ANKS1B: variants seen among roughly 807,000 people sequenced by gnomAD.
ANKS1B encodes the protein ankyrin repeat and sterile alpha motif domain-containing protein 1B.
A neutral mutation model predicts 148.3 loss-of-function variants in ANKS1B; 36 were observed. The observed-to-expected ratio is 0.24, with a 90% CI of 0.19 to 0.32. The LOEUF (loss-of-function observed/expected upper bound fraction) is 0.32. ANKS1B is among the 10% of genes least tolerant of loss of function. ANKS1B has a pLI of 1.00. For synonymous variants in ANKS1B, 542 were observed against 560.8 expected (o/e 0.97, Z 0.47); for missense variants, 1,157 against 1,542.6 (o/e 0.75, Z 4.19).
intron 9 of ANKS1B, among the ~76,000 whole-genome samples, chr12:99,627,888 T>C (rs1344994206): frequency 6.6e-6 from 1 of 152,102 alleles, no homozygotes; most frequent in Admixed American, 6.6e-5. Flanking sequence ...TTTATAAAAT[T>C]AATAGTTTTG....
At chr12:99,652,470 C>G (rs988058514) in intron 9 of ANKS1B, among the ~76,000 whole-genome samples, 5 of 150,284 alleles carry the variant, frequency 3.3e-5, no homozygotes, top group African/African-American at 1.2e-4. Flanking sequence ...GAGACTCCAT[C>G]TGAAAAAAAA....
chr12:98,863,718 C>G (rs1328740854), intron 17 of ANKS1B, among the ~76,000 whole-genome samples: 2 of 152,034 alleles, frequency 1.3e-5, no homozygotes, highest in African/African-American at 4.8e-5. Context: ...TAATGACCAG[C>G]TGGAACAGAA....
At chr12:99,133,332 C>G (rs57468892) in intron 15 of ANKS1B, among the ~76,000 whole-genome samples, 1 of 152,036 alleles carries the variant, frequency 6.6e-6, no homozygotes, top group Non-Finnish European at 1.5e-5. Context: ...GGATTACAGG[C>G]GTGAGCCACC....
At chr12:99,263,950 T>C (rs1281515270) in intron 12 of ANKS1B, among the ~76,000 whole-genome samples, 1 of 152,144 alleles carries the variant, frequency 6.6e-6, no homozygotes, top group Non-Finnish European at 1.5e-5. Flanking sequence ...TGACTTACTA[T>C]GGTCTTGCAC....
At chr12:98,896,397 A>C (rs1333757895) in intron 17 of ANKS1B, among the ~76,000 whole-genome samples, 1 of 152,256 alleles carries the variant, frequency 6.6e-6, no homozygotes, top group Non-Finnish European at 1.5e-5. Context: ...TTTAATTCTT[A>C]CAACTCTATG....
chr12:99,978,977 C>A (rs988902873), intron 1 of ANKS1B, among the ~76,000 whole-genome samples: 2 of 152,230 alleles, frequency 1.3e-5, no homozygotes, highest in Non-Finnish European at 1.5e-5. Context: ...ACAAATAATT[C>A]TCTATCCTAT....
At chr12:99,422,354 C>T (rs1399755184) in intron 11 of ANKS1B, among the ~76,000 whole-genome samples, 2 of 152,118 alleles carry the variant, frequency 1.3e-5, no homozygotes, top group Non-Finnish European at 2.9e-5. Flanking sequence ...CCTCAAGCAC[C>T]TCATATTTTA....
intron 1 of ANKS1B, among the ~76,000 whole-genome samples, chr12:99,894,259 AAAGAAAGGAAAGAAAGG>A (rs2093271043): frequency 7.9e-6 from 1 of 127,134 alleles, no homozygotes; most frequent in African/African-American, 3.0e-5. Flanking sequence ...ATCTCGAAAG[AAAGAAAGGAAAGAAAGG>A]AAGGAAGGAA....
At chr12:99,697,782 C>A (rs2054160454) in intron 8 of ANKS1B, among the ~76,000 whole-genome samples, 1 of 152,038 alleles carries the variant, frequency 6.6e-6, no homozygotes. Flanking sequence ...ACAATTTTAA[C>A]AAATATACCA....
intron 17 of ANKS1B, among the ~76,000 whole-genome samples, chr12:98,975,308 CCTT>C (rs1190005520): frequency 2.0e-5 from 3 of 147,952 alleles, no homozygotes; most frequent in South Asian, 2.2e-4. Context: ...CTCCCTCCTT[CCTT>C]CTTCCTTTTC....
At chr12:99,092,796 T>TACC (rs2054525423) in intron 15 of ANKS1B, among the ~76,000 whole-genome samples, 1 of 152,154 alleles carries the variant, frequency 6.6e-6, no homozygotes, top group African/African-American at 2.4e-5. Flanking sequence ...CAGAAAGAAG[T>TACC]ACCTAAAAAG....
chr12:98,935,808 T>C (rs2099818112), intron 17 of ANKS1B, among the ~76,000 whole-genome samples: 2 of 152,220 alleles, frequency 1.3e-5, no homozygotes, highest in African/African-American at 2.4e-5. Context: ...ATTAACTTCA[T>C]TTACAGAATT....
At chr12:99,245,013 C>T (rs993679178) in intron 13 of ANKS1B, among the ~76,000 whole-genome samples, 3 of 152,156 alleles carry the variant, frequency 2.0e-5, no homozygotes, top group African/African-American at 7.2e-5. Flanking sequence ...TGCCACCACA[C>T]CTGGCTAATT....
chr12:99,616,228 T>C (rs1043010819), intron 9 of ANKS1B, among the ~76,000 whole-genome samples: 1 of 152,146 alleles, frequency 6.6e-6, no homozygotes, highest in Non-Finnish European at 1.5e-5. Context: ...AAGTAATTTA[T>C]AGAGTCAATG....
chr12:99,443,230 G>A (rs187831306), intron 11 of ANKS1B, among the ~76,000 whole-genome samples: 137 of 152,040 alleles, frequency 9.0e-4, no homozygotes, highest in African/African-American at 3.2e-3. Context: ...AATATTCATT[G>A]AAACCATAAG....
At chr12:99,963,731 C>T (rs1266169165) in intron 1 of ANKS1B, among the ~76,000 whole-genome samples, 3 of 152,132 alleles carry the variant, frequency 2.0e-5, no homozygotes, top group Admixed American at 6.6e-5. Flanking sequence ...GTATGAATTA[C>T]TTACTGTCCT....
At chr12:99,282,592 A>C (rs1240454813) in intron 12 of ANKS1B, among the ~76,000 whole-genome samples, 1 of 152,192 alleles carries the variant, frequency 6.6e-6, no homozygotes, top group African/African-American at 2.4e-5. Context: ...GCTTGGTCTA[A>C]AACATTAGGT....
intron 22 of ANKS1B, among the ~76,000 whole-genome samples, chr12:98,797,264 G>A (rs1159245190): frequency 6.6e-6 from 1 of 152,146 alleles, no homozygotes; most frequent in East Asian, 1.9e-4. Context: ...ACAGAGGATC[G>A]GGGAAACAGG....
intron 14 of ANKS1B, chr12:99,154,721 G>C (rs1228197776): frequency 1.4e-6 from 2 of 1,439,006 alleles, no homozygotes; most frequent in Admixed American, 5.7e-5. Flanking sequence ...GCTTGGGCTG[G>C]TCTGCGTTCT....
Sources: gnomAD v4.1 joint callset for allele counts (sites outside exome capture counted in the v4.1 genomes callset) on GRCh38, gnomAD v4.1.1 for gene constraint, MANE v1.5 for transcripts, NCBI Gene and HGNC (gene_info 2026-07-23, HGNC 2026-07-21) for gene names.